Variants in LRTM3 observed in about 807,000 individuals in gnomAD.
LRTM3 encodes leucine-rich repeat transmembrane protein 3.
At chr13:102,742,776 G>A in the LRTM3 span, 2 of 1,550,532 alleles carry the variant, frequency 1.3e-6, no homozygotes, top group South Asian at 1.2e-5. Context: ...TCTGAAGCAG[G>A]TGAATGCCTG....
the LRTM3 span, chr13:102,730,287 A>C: frequency 3.2e-5 from 49 of 1,551,288 alleles, no homozygotes; most frequent in Non-Finnish European, 4.1e-5. Flanking sequence ...TCCTGACTTA[A>C]ATAAGAGTTG....
the LRTM3 span, chr13:102,741,142 A>G: frequency 6.5e-7 from 1 of 1,549,086 alleles, no homozygotes. Flanking sequence ...CTTTATTCTG[A>G]TAATAATTAC....
the LRTM3 span, chr13:102,738,528 A>C: frequency 6.4e-7 from 1 of 1,550,730 alleles, no homozygotes; most frequent in Non-Finnish European, 8.7e-7. Flanking sequence ...TGTGAAATTG[A>C]TGATTTCATT....
At chr13:102,732,556 T>G in the LRTM3 span, 1 of 1,551,222 alleles carries the variant, frequency 6.4e-7, no homozygotes, top group East Asian at 2.4e-5. Flanking sequence ...TGCTTTGTTT[T>G]GCATTAGATG....
the LRTM3 span, chr13:102,745,443 C>T: frequency 5.2e-6 from 8 of 1,550,742 alleles, no homozygotes; most frequent in African/African-American, 5.5e-5. Context: ...TCATCTACCC[C>T]CTTTTTGCCT....
chr13:102,744,576 T>A, the LRTM3 span: 1 of 1,550,476 alleles, frequency 6.4e-7, no homozygotes, highest in Non-Finnish European at 8.7e-7. Flanking sequence ...TCTTGCTTTG[T>A]TTTTTGCACT....
At chr13:102,744,583 C>A in the LRTM3 span, 1 of 1,550,298 alleles carries the variant, frequency 6.5e-7, no homozygotes, top group Non-Finnish European at 8.7e-7. Flanking sequence ...TTGTTTTTTG[C>A]ACTATGTGAG....
the LRTM3 span, chr13:102,729,750 C>G: frequency 6.4e-7 from 1 of 1,551,888 alleles, no homozygotes. Context: ...TCCAATCTTT[C>G]TGACTCATAA....
chr13:102,736,313 G>A, the LRTM3 span: 2 of 1,551,096 alleles, frequency 1.3e-6, no homozygotes, highest in Non-Finnish European at 1.7e-6. Context: ...CTTACTCAGA[G>A]GACTGTGCTC....
chr13:102,743,998 A>G, the LRTM3 span: 1 of 1,550,164 alleles, frequency 6.5e-7, no homozygotes, highest in Non-Finnish European at 8.7e-7. Flanking sequence ...TGTTAGATAG[A>G]ATGCACCTCG....
chr13:102,753,306 C>G, the LRTM3 span, among the ~76,000 whole-genome samples: 1 of 152,056 alleles, frequency 6.6e-6, no homozygotes, highest in Non-Finnish European at 1.5e-5. Context: ...GAACATCACA[C>G]ACTGGGTCCT....
At chr13:102,739,764 C>T in the LRTM3 span, 1 of 1,549,050 alleles carries the variant, frequency 6.5e-7, no homozygotes, top group Non-Finnish European at 8.7e-7. Context: ...GAGATCACCC[C>T]ATCAATTGTT....
chr13:102,747,962 T>G, the LRTM3 span: 2 of 1,551,266 alleles, frequency 1.3e-6, no homozygotes, highest in South Asian at 2.4e-5. Context: ...CTCTTTCTCC[T>G]GTTCCTTTCT....
the LRTM3 span, chr13:102,737,719 ACTTGCG>A: frequency 5.2e-6 from 8 of 1,549,736 alleles, no homozygotes; most frequent in Non-Finnish European, 7.0e-6. Flanking sequence ...TTTGTACTTC[ACTTGCG>A]CTATCACCCT....
the LRTM3 span, chr13:102,741,636 A>G: frequency 7.7e-6 from 12 of 1,550,488 alleles, no homozygotes; most frequent in Non-Finnish European, 1.0e-5. Flanking sequence ...TGTTTCAGCA[A>G]TTCTTGCTCC....
chr13:102,739,211 G>C, the LRTM3 span: 19 of 1,550,010 alleles, frequency 1.2e-5, no homozygotes. Flanking sequence ...GCTCCGTTGT[G>C]GTTCTTTTCC....
chr13:102,748,206 T>C, the LRTM3 span: 1 of 1,551,172 alleles, frequency 6.4e-7, no homozygotes, highest in South Asian at 1.2e-5. Context: ...TCTTGATGCA[T>C]ATTTGTTATG....
At chr13:102,736,981 A>G in the LRTM3 span, 1 of 1,551,110 alleles carries the variant, frequency 6.4e-7, no homozygotes, top group Non-Finnish European at 8.7e-7. Context: ...AGTGAGATAG[A>G]GAAGGTATTG....
At chr13:102,748,701 C>A in the LRTM3 span, 1 of 1,549,782 alleles carries the variant, frequency 6.5e-7, no homozygotes, top group Non-Finnish European at 8.7e-7. Flanking sequence ...TCTGTAATAC[C>A]AATTCCCTTT....
Sources: gnomAD v4.1 joint callset for allele counts (sites outside exome capture counted in the v4.1 genomes callset) on GRCh38, gnomAD v4.1.1 for gene constraint, MANE v1.5 for transcripts, NCBI Gene and HGNC (gene_info 2026-07-23, HGNC 2026-07-21) for gene names.